MIR2052HG: variants seen among roughly 807,000 people sequenced by gnomAD.
MIR2052HG encodes the protein MIR2052 host gene.
intron 1 of MIR2052HG, among the ~76,000 whole-genome samples, chr8:74,604,661 T>C (rs1276855363): frequency 6.9e-6 from 1 of 145,138 alleles, no homozygotes; most frequent in Admixed American, 7.0e-5. Context: ...TGGCGCGATC[T>C]TGGCTCACTG....
chr8:74,607,942 T>G (rs1475025418), intron 1 of MIR2052HG, among the ~76,000 whole-genome samples: 2 of 152,192 alleles, frequency 1.3e-5, no homozygotes, highest in African/African-American at 4.8e-5. Context: ...GTGGGAGGTG[T>G]CTACATGTTA....
chr8:74,659,648 G>C (rs1040579946), intron 2 of MIR2052HG, among the ~76,000 whole-genome samples: 1 of 152,094 alleles, frequency 6.6e-6, no homozygotes. Context: ...ATCTCACTAT[G>C]TTGCCCAGGC....
intron 5 of MIR2052HG, among the ~76,000 whole-genome samples, chr8:74,755,780 T>A (rs1449919973): frequency 6.6e-6 from 1 of 152,106 alleles, no homozygotes; most frequent in Non-Finnish European, 1.5e-5. Context: ...TAAAAGATAA[T>A]GGAACTAGGG....
chr8:74,630,126 A>G (rs1002486871), intron 2 of MIR2052HG, among the ~76,000 whole-genome samples: 6 of 152,230 alleles, frequency 3.9e-5, no homozygotes, highest in Non-Finnish European at 7.3e-5. Context: ...AAAACAAGTG[A>G]AAATGTGCTG....
chr8:74,613,147 T>G (rs1808224762), intron 2 of MIR2052HG, among the ~76,000 whole-genome samples: 1 of 152,204 alleles, frequency 6.6e-6, no homozygotes, highest in Non-Finnish European at 1.5e-5. Context: ...GGGTTGAGGC[T>G]GAAAGAATTG....
At chr8:74,617,400 T>C (rs1366512330) in intron 2 of MIR2052HG, among the ~76,000 whole-genome samples, 2 of 152,238 alleles carry the variant, frequency 1.3e-5, no homozygotes, top group East Asian at 3.9e-4. Context: ...GTTCCATCCA[T>C]GCTGCTACAA....
chr8:74,675,876 C>T (rs1011208113), intron 2 of MIR2052HG, among the ~76,000 whole-genome samples: 1 of 151,818 alleles, frequency 6.6e-6, no homozygotes, highest in Non-Finnish European at 1.5e-5. Flanking sequence ...TACATGCTTC[C>T]TAAATGTTAT....
intron 4 of MIR2052HG, among the ~76,000 whole-genome samples, chr8:74,730,038 G>A (rs1000865951): frequency 6.6e-6 from 1 of 152,130 alleles, no homozygotes; most frequent in African/African-American, 2.4e-5. Flanking sequence ...TGGCTATTGA[G>A]CAATAGATGA....
chr8:74,667,946 G>T (rs1395857637), intron 2 of MIR2052HG, among the ~76,000 whole-genome samples: 1 of 151,786 alleles, frequency 6.6e-6, no homozygotes, highest in African/African-American at 2.4e-5. Context: ...AAGTCCAGAT[G>T]TTGTCAGGCA....
chr8:74,648,337 A>G (rs1251451209), intron 2 of MIR2052HG, among the ~76,000 whole-genome samples: 1 of 152,124 alleles, frequency 6.6e-6, no homozygotes, highest in African/African-American at 2.4e-5. Context: ...AGGGTTGGGA[A>G]ATTCCAGCCT....
intron 4 of MIR2052HG, among the ~76,000 whole-genome samples, chr8:74,749,451 A>G (rs1809921031): frequency 6.6e-6 from 1 of 152,186 alleles, no homozygotes; most frequent in South Asian, 2.1e-4. Context: ...CAAAATTGTG[A>G]TGAAAGCCAG....
At chr8:74,730,767 A>G (rs1399641783) in intron 4 of MIR2052HG, among the ~76,000 whole-genome samples, 1 of 150,494 alleles carries the variant, frequency 6.6e-6, no homozygotes, top group African/African-American at 2.5e-5. Flanking sequence ...GAATATATAT[A>G]TTGATTAACT....
At chr8:74,729,127 A>T (rs542331806) in intron 4 of MIR2052HG, among the ~76,000 whole-genome samples, 1 of 152,162 alleles carries the variant, frequency 6.6e-6, no homozygotes, top group East Asian at 1.9e-4. Context: ...GGCTCCAACA[A>T]TCACATCACT....
In MIR2052HG at chr8:74,656,793, A is replaced by G. The variant is rs141998039; in HGVS notation, n.216+43853A>G. Among the ~76,000 whole-genome samples the G allele has an allele frequency of 4.9e-3, 740 of 152,292 alleles. 4 individuals carry two copies. The highest frequency in any genetic ancestry group is 0.017 in the African/African-American group (698 of 41,554). On this transcript the variant is annotated intron_variant and non_coding_transcript_variant, in intron 2 of 6. Coordinates refer to ENST00000523442, the Ensembl canonical transcript of MIR2052HG. ...CTTCTGAGCTGAGGGAGAATATATA[A>G]GCAAATGGTGGAAAGATACATTTAC... is the stretch of plus-strand genomic sequence containing the variant.
intron 1 of MIR2052HG, chr8:74,603,501 T>C: frequency 6.3e-7 from 1 of 1,576,338 alleles, no homozygotes; most frequent in Non-Finnish European, 8.7e-7. Context: ...TCAAATCGTT[T>C]GGAATGGTAA....
chr8:74,658,053 G>T (rs1264081662), intron 2 of MIR2052HG, among the ~76,000 whole-genome samples: 2 of 152,128 alleles, frequency 1.3e-5, no homozygotes, highest in South Asian at 2.1e-4. Context: ...AACATACTAG[G>T]TGGATTCTTG....
At chr8:74,756,001 T>A (rs770022967) in intron 5 of MIR2052HG, among the ~76,000 whole-genome samples, 5 of 152,132 alleles carry the variant, frequency 3.3e-5, no homozygotes, top group Admixed American at 6.6e-5. Flanking sequence ...CTGCTCTTAC[T>A]TCAGACACCA....
At position 74,643,352 on chromosome 8, in the gene MIR2052HG, TA is replaced by T. The variant is rs796310211; in HGVS notation, n.216+30422del. Among the ~76,000 whole-genome samples, 145 of 150,604 alleles carry T rather than the reference TA, an allele frequency of 9.6e-4. 2 individuals carry two copies. The highest frequency in any genetic ancestry group is 3.1e-3 in the African/African-American group (129 of 41,140). The stretch of plus-strand genomic sequence containing the variant: ...TTAGCAATTTGAACCTCAGTAGAAT[TA>T]AAAAAAAAATTCTTTAAAGACCAGA... On this transcript the variant is annotated intron_variant and non_coding_transcript_variant, in intron 2 of 6. Coordinates refer to ENST00000523442, the Ensembl canonical transcript of MIR2052HG.
At chr8:74,723,342 G>A (rs1274474188) in intron 4 of MIR2052HG, among the ~76,000 whole-genome samples, 2 of 152,182 alleles carry the variant, frequency 1.3e-5, no homozygotes, top group Non-Finnish European at 1.5e-5. Flanking sequence ...AATCCACCAG[G>A]AATGGGCCAG....
Sources: gnomAD v4.1 joint callset for allele counts (sites outside exome capture counted in the v4.1 genomes callset) on GRCh38, gnomAD v4.1.1 for gene constraint, MANE v1.5 for transcripts, NCBI Gene and HGNC (gene_info 2026-07-23, HGNC 2026-07-21) for gene names.